SPIN1: variants seen among roughly 807,000 people sequenced by gnomAD.
The protein encoded by SPIN1 is spindlin 1, also known as spindlin-1.
In SPIN1, 3 loss-of-function variants were observed where a neutral mutation model predicts 26.0. That is an observed-to-expected ratio of 0.12 (90% CI 0.05 to 0.30). The LOEUF (loss-of-function observed/expected upper bound fraction) is 0.30. Among genes scored for constraint, SPIN1 ranks in the 10% least tolerant of loss-of-function variants. SPIN1 has a pLI of 1.00. For missense variants in SPIN1, 126 were observed against 333.4 expected (o/e 0.38, Z 4.84); for synonymous variants, 101 against 116.5 (o/e 0.87, Z 0.86).
chr9:88,420,664 T>G (rs1827651335), intron 1 of SPIN1, among the ~76,000 whole-genome samples: 1 of 152,230 alleles, frequency 6.6e-6, no homozygotes, highest in Non-Finnish European at 1.5e-5. Flanking sequence ...CTTGAGGTCT[T>G]TGTGTAAAAG....
intron 1 of SPIN1, among the ~76,000 whole-genome samples, chr9:88,388,779 C>T (rs1826846420): frequency 6.7e-6 from 1 of 150,006 alleles, no homozygotes; most frequent in African/African-American, 2.4e-5. Context: ...GCCCCTACTC[C>T]TCCGTGCCCC....
chr9:88,468,689 A>G (rs1828718507), intron 5 of SPIN1, 84 bp downstream of exon 5: 4 of 855,356 alleles, frequency 4.7e-6, no homozygotes, highest in Non-Finnish European at 6.5e-6. Context: ...GCTCTTTTGC[A>G]GATACATTTT....
At chr9:88,400,072 T>TA (rs1348689801) in intron 1 of SPIN1, among the ~76,000 whole-genome samples, 1 of 152,156 alleles carries the variant, frequency 6.6e-6, no homozygotes, top group Non-Finnish European at 1.5e-5. Flanking sequence ...CAGAGGAACT[T>TA]AATCTCCGTT....
chr9:88,415,244 C>T (rs1827536943), intron 1 of SPIN1, among the ~76,000 whole-genome samples: 1 of 152,022 alleles, frequency 6.6e-6, no homozygotes, highest in African/African-American at 2.4e-5. Flanking sequence ...GCTCTGAAGG[C>T]CTTCAGATAT....
intron 1 of SPIN1, among the ~76,000 whole-genome samples, chr9:88,415,905 G>C (rs368157057): frequency 7.0e-6 from 1 of 143,074 alleles, no homozygotes; most frequent in Non-Finnish European, 1.5e-5. Context: ...CACCATGCTC[G>C]GCTAATTTTT....
chr9:88,426,923 G>A (rs1206070927), intron 2 of SPIN1, among the ~76,000 whole-genome samples: 2 of 152,150 alleles, frequency 1.3e-5, no homozygotes, highest in African/African-American at 4.8e-5. Context: ...GTGAGATTTA[G>A]TGTACTGAGA....
intron 1 of SPIN1, among the ~76,000 whole-genome samples, chr9:88,390,713 A>T (rs1242221959): frequency 6.6e-6 from 1 of 152,232 alleles, no homozygotes; most frequent in Non-Finnish European, 1.5e-5. Context: ...AGAAGATGTT[A>T]TGGTATTGTG....
In SPIN1 at chr9:88,421,052, G is replaced by A. The variant is rs73500221; in HGVS notation, c.-158-5330G>A. Among the ~76,000 whole-genome samples, 743 of 152,262 alleles carry A rather than the reference G, an allele frequency of 4.9e-3. 5 individuals are homozygous for A. The highest frequency in any genetic ancestry group is 0.017 in the African/African-American group (717 of 41,548). On this transcript the variant is annotated intron_variant, in intron 1 of 5. Transcript: ENST00000375859. Reference sequence around the variant, plus strand: ...TTTAAGATCCTTAAACCACATTATTGTAATTTTGTCTTTTGATATTTATGT... The same window carrying A: ...TTTAAGATCCTTAAACCACATTATTATAATTTTGTCTTTTGATATTTATGT...
At chr9:88,420,870 C>G (rs763477471) in intron 1 of SPIN1, among the ~76,000 whole-genome samples, 2 of 152,330 alleles carry the variant, frequency 1.3e-5, no homozygotes, top group South Asian at 2.1e-4. Context: ...TTAAAAACTT[C>G]CAGCAGATTT....
intron 2 of SPIN1, among the ~76,000 whole-genome samples, chr9:88,430,812 C>T (rs1051736935): frequency 2.0e-5 from 3 of 151,836 alleles, no homozygotes; most frequent in Non-Finnish European, 2.9e-5. Flanking sequence ...TCACGTTTTC[C>T]CCTGGTGTTA....
At chr9:88,427,475 T>C (rs774803867) in intron 2 of SPIN1, among the ~76,000 whole-genome samples, 100 of 152,324 alleles carry the variant, frequency 6.6e-4, no homozygotes, top group Middle Eastern at 3.4e-3. Flanking sequence ...GACTGAAGTT[T>C]AAGGTATATG....
chr9:88,444,308 G>A lies in SPIN1; in HGVS notation c.53-4633G>A, dbSNP rs1288190109. ...TAGGCTGGAGTGCAGTGGCGGGATCGCGGCTCACTGCAAGCTCCGCCTCCC... is the reference window on the plus strand; with the variant it reads ...TAGGCTGGAGTGCAGTGGCGGGATCACGGCTCACTGCAAGCTCCGCCTCCC... On this transcript the variant is annotated intron_variant, in intron 2 of 5. Transcript: ENST00000375859. 2.1e-5 allele frequency among the ~76,000 whole-genome samples: 3 copies of A among 140,710 alleles called. 1 individual carries two copies. The highest frequency in any genetic ancestry group is 4.6e-4 in the South Asian group (2 of 4,378). The allele number at this position is 140,710 out of a possible 152,430, so 92.3% of individuals were successfully genotyped here.
chr9:88,428,302 C>A (rs551625831), intron 2 of SPIN1, among the ~76,000 whole-genome samples: 1 of 152,252 alleles, frequency 6.6e-6, no homozygotes, highest in South Asian at 2.1e-4. Flanking sequence ...CATACTAGTT[C>A]CAGCAGGAAG....
At chr9:88,402,853 AGTT>A (rs1465010073) in intron 1 of SPIN1, among the ~76,000 whole-genome samples, 5 of 152,298 alleles carry the variant, frequency 3.3e-5, no homozygotes, top group African/African-American at 9.6e-5. Context: ...AGTATGTAGT[AGTT>A]CTATTTTTAG....
At chr9:88,439,860 G>C (rs949771404) in intron 2 of SPIN1, among the ~76,000 whole-genome samples, 7 of 152,002 alleles carry the variant, frequency 4.6e-5, no homozygotes, top group African/African-American at 1.7e-4. Flanking sequence ...CTTTAAATCT[G>C]TGTATCTTTA....
At chr9:88,406,262 A>G (rs550153582) in intron 1 of SPIN1, among the ~76,000 whole-genome samples, 105 of 151,580 alleles carry the variant, frequency 6.9e-4, no homozygotes, top group Non-Finnish European at 1.1e-3. Flanking sequence ...TAAGTTTTGA[A>G]AGATTTTCTT....
At chr9:88,417,982 G>A (rs138663009) in intron 1 of SPIN1, among the ~76,000 whole-genome samples, 50 of 152,324 alleles carry the variant, frequency 3.3e-4, no homozygotes, top group African/African-American at 1.1e-3. Context: ...AAGGAGTGTG[G>A]AACTCCCCTG....
chr9:88,410,886 G>T, intron 1 of SPIN1: 1 of 971,286 alleles, frequency 1.0e-6, no homozygotes, highest in Non-Finnish European at 1.6e-6. Flanking sequence ...TAGCTTCTTT[G>T]GCTGGATGAA....
chr9:88,475,512 A>C lies in SPIN1; in HGVS notation c.*235A>C, dbSNP rs1828872313. The C allele has an allele frequency of 2.8e-6, 1 of 351,094 alleles. No homozygotes were observed. Among genetic ancestry groups the C allele is most frequent in the Admixed American group, 4.4e-5 (1 of 22,832 alleles). 21.7% of individuals were successfully genotyped at this position (351,094 alleles called of 1,614,324 possible). A position where few individuals can be genotyped will look rare whatever the true frequency, so the allele number is the denominator to read the frequency against. ...GTCTGTCTATTTCGAGGGGAGTTAC[A>C]GGCAAGTTTGGTAAAAGTTAAGCTA... On this transcript the variant is annotated 3_prime_UTR_variant, in exon 6 of 6. Coordinates refer to ENST00000375859, the MANE Select transcript of SPIN1 (RefSeq NM_006717.3).
Sources: gnomAD v4.1 joint callset for allele counts (sites outside exome capture counted in the v4.1 genomes callset) on GRCh38, gnomAD v4.1.1 for gene constraint, MANE v1.5 for transcripts, NCBI Gene and HGNC (gene_info 2026-07-23, HGNC 2026-07-21) for gene names.